Variants in ZBTB20 observed in about 807,000 individuals in gnomAD.
ZBTB20 encodes the protein zinc finger and BTB domain-containing protein 20.
ZBTB20 carries 9 observed loss-of-function variants against 56.9 expected under a neutral mutation model. The ratio of observed to expected loss-of-function variants is 0.16; its 90% CI spans 0.10 to 0.28. The LOEUF (loss-of-function observed/expected upper bound fraction) is 0.28. ZBTB20 is among the 10% of genes least tolerant of loss of function. The pLI, the probability that ZBTB20 is intolerant of heterozygous loss-of-function variation, is 1.00. For synonymous variants in ZBTB20, 417 were observed against 420.7 expected, an observed-to-expected ratio of 0.99 and a Z score of 0.11; for missense variants, 655 against 1,003.0, an observed-to-expected ratio of 0.65 and a Z score of 4.69.
chr3:114,447,952 G>A (rs1441832491), intron 7 of ZBTB20, among the ~76,000 whole-genome samples: 1 of 152,116 alleles, frequency 6.6e-6, no homozygotes, highest in Non-Finnish European at 1.5e-5. Flanking sequence ...AATAAAAATG[G>A]ATGTTTTGCT....
At chr3:114,464,467 G>A (rs1241952162) in intron 7 of ZBTB20, among the ~76,000 whole-genome samples, 1 of 152,082 alleles carries the variant, frequency 6.6e-6, no homozygotes, top group African/African-American at 2.4e-5. Context: ...GGTTTTGACA[G>A]AAAATATTTT....
chr3:115,025,714 AGAAAAACTCCACTTTCTT>A (rs2080397003), intron 2 of ZBTB20, among the ~76,000 whole-genome samples: 1 of 150,666 alleles, frequency 6.6e-6, no homozygotes, highest in Non-Finnish European at 1.5e-5. Context: ...GGTTTAAATA[AGAAAAACTCCACTTTCTT>A]GCTTCCAGGC....
chr3:115,097,417 C>T (rs1481636413), intron 1 of ZBTB20, among the ~76,000 whole-genome samples: 1 of 151,856 alleles, frequency 6.6e-6, no homozygotes, highest in African/African-American at 2.4e-5. Flanking sequence ...CTCCCGACCT[C>T]GTGATCTGCC....
chr3:114,871,155 C>A (rs77660473), intron 4 of ZBTB20, among the ~76,000 whole-genome samples: 3,570 of 152,230 alleles, frequency 0.023, 50 homozygotes, highest in South Asian at 0.051. Flanking sequence ...CACCTCAAAG[C>A]TTTGTAAACC....
intron 3 of ZBTB20, among the ~76,000 whole-genome samples, chr3:114,965,909 C>T (rs973817670): frequency 1.3e-5 from 2 of 151,844 alleles, no homozygotes; most frequent in East Asian, 3.9e-4. Context: ...GGATATTAAC[C>T]CCTTATCAGG....
intron 1 of ZBTB20, among the ~76,000 whole-genome samples, chr3:115,117,378 C>T (rs2084049265): frequency 6.6e-6 from 1 of 152,088 alleles, no homozygotes; most frequent in South Asian, 2.1e-4. Flanking sequence ...GTAACCTATA[C>T]CACTTTGATT....
intron 7 of ZBTB20, among the ~76,000 whole-genome samples, chr3:114,405,513 A>G (rs1212986344): frequency 1.3e-5 from 2 of 152,174 alleles, no homozygotes; most frequent in East Asian, 1.9e-4. Flanking sequence ...TGAGAGTAAA[A>G]GATGGAATGA....
intron 6 of ZBTB20, among the ~76,000 whole-genome samples, chr3:114,664,508 A>G (rs1229376678): frequency 6.6e-6 from 1 of 152,074 alleles, no homozygotes; most frequent in Non-Finnish European, 1.5e-5. Flanking sequence ...GCAGAAAGAA[A>G]TAAAAGTATT....
intron 2 of ZBTB20, among the ~76,000 whole-genome samples, chr3:115,032,711 G>A (rs754919170): frequency 4.0e-5 from 6 of 150,884 alleles, no homozygotes; most frequent in African/African-American, 1.2e-4. Context: ...GACCACAAAG[G>A]GATAAAGTTA....
At chr3:114,525,144 A>G (rs1005876317) in intron 6 of ZBTB20, among the ~76,000 whole-genome samples, 3 of 151,490 alleles carry the variant, frequency 2.0e-5, no homozygotes, top group African/African-American at 7.3e-5. Context: ...TTGTTCATTT[A>G]TTTGTTTGCT....
intron 6 of ZBTB20, among the ~76,000 whole-genome samples, chr3:114,618,875 T>C (rs2058118652): frequency 2.0e-5 from 3 of 152,224 alleles, no homozygotes; most frequent in Non-Finnish European, 2.9e-5. Flanking sequence ...TTGCTTCCTC[T>C]TGACTAGGAA....
chr3:115,107,797 A>C (rs2083765617), intron 1 of ZBTB20, among the ~76,000 whole-genome samples: 1 of 152,256 alleles, frequency 6.6e-6, no homozygotes, highest in South Asian at 2.1e-4. Flanking sequence ...TACACCATGG[A>C]ATACTATGCA....
chr3:114,713,656 T>C (rs1034601883), intron 5 of ZBTB20, among the ~76,000 whole-genome samples: 5 of 152,150 alleles, frequency 3.3e-5, no homozygotes, highest in African/African-American at 1.2e-4. Context: ...TCCAAAGAGA[T>C]TACAATGCCA....
At chr3:114,748,345 C>CT (rs1560202358) in intron 5 of ZBTB20, among the ~76,000 whole-genome samples, 446 of 31,100 alleles carry the variant, frequency 0.014, 4 homozygotes, top group African/African-American at 0.018. Context: ...TTCTTTCTTT[C>CT]TTTCTTTTCT....
intron 2 of ZBTB20, among the ~76,000 whole-genome samples, chr3:115,001,249 A>C (rs1439678810): frequency 6.6e-6 from 1 of 151,460 alleles, no homozygotes; most frequent in South Asian, 2.1e-4. Flanking sequence ...TAAGTTTGAA[A>C]AGATAAATTC....
chr3:114,360,842 G>C (rs1204450393), intron 10 of ZBTB20, among the ~76,000 whole-genome samples: 1 of 151,876 alleles, frequency 6.6e-6, no homozygotes, highest in African/African-American at 2.4e-5. Context: ...GCGCACCTAG[G>C]GTATAGAACC....
intron 7 of ZBTB20, among the ~76,000 whole-genome samples, chr3:114,439,761 T>C (rs1315707910): frequency 1.3e-5 from 2 of 152,190 alleles, no homozygotes; most frequent in African/African-American, 2.4e-5. Context: ...GTCCTTTCTA[T>C]ACATCTTTGT....
intron 2 of ZBTB20, among the ~76,000 whole-genome samples, chr3:115,009,038 G>T (rs114624499): frequency 1.2e-3 from 188 of 151,794 alleles, no homozygotes; most frequent in African/African-American, 4.2e-3. Context: ...TACGTTATTG[G>T]ACACATATTT....
intron 6 of ZBTB20, among the ~76,000 whole-genome samples, chr3:114,651,835 C>A (rs2060153203): frequency 1.3e-5 from 2 of 152,056 alleles, no homozygotes; most frequent in African/African-American, 4.8e-5. Flanking sequence ...TAACCTTGAA[C>A]ATTCTCCAGA....
Sources: allele counts gnomAD v4.1 joint callset (sites outside exome capture counted in the v4.1 genomes callset), GRCh38; gene constraint gnomAD v4.1.1; transcripts MANE v1.5; gene names NCBI Gene and HGNC (gene_info 2026-07-23, HGNC 2026-07-21).